The following ST8SIA2 variants were observed in gnomAD, a reference collection of about 807,000 sequenced individuals.
The protein encoded by ST8SIA2 is alpha-2,8-sialyltransferase 8B.
Under a neutral mutation model 37.6 loss-of-function variants are expected in ST8SIA2, and 22 were observed. The observed-to-expected ratio is 0.58, with a 90% confidence interval of 0.42 to 0.83. The LOEUF is 0.83. Ranked by LOEUF, ST8SIA2 falls within the 40% of genes least tolerant of loss-of-function variation. ST8SIA2 has a pLI of 0.00. For synonymous variants in ST8SIA2, 205 were observed against 201.2 expected, an observed-to-expected ratio of 1.02 and a Z score of -0.16; for missense variants, 382 against 484.7, an observed-to-expected ratio of 0.79 and a Z score of 1.99.
At position 92,450,827 on chromosome 15, in the gene ST8SIA2, A is replaced by C. The variant is rs554522924; in HGVS notation, c.842+5898A>C. Among the ~76,000 whole-genome samples, 3 of 152,350 alleles carry C rather than the reference A, an allele frequency of 2.0e-5. No homozygotes were observed. In the South Asian group the frequency reaches 6.2e-4, roughly 32 times the overall value. ...GAGATATCACTTCATACCCTCTAGCATGGCTATTAGTAAACACACATACAC... is the reference window on the plus strand; with the variant it reads ...GAGATATCACTTCATACCCTCTAGCCTGGCTATTAGTAAACACACATACAC... On this transcript the variant is annotated intron_variant, in intron 5 of 5. Coordinates refer to ENST00000268164, the MANE Select transcript of ST8SIA2 (RefSeq NM_006011.4).
chr15:92,426,337 A>ATGGGCGGGCTGG (rs2049675309), intron 1 of ST8SIA2, among the ~76,000 whole-genome samples: 1 of 152,118 alleles, frequency 6.6e-6, no homozygotes, highest in Non-Finnish European at 1.5e-5. Flanking sequence ...GATGATGTGG[A>ATGGGCGGGCTGG]TGGGCGGGCT....
At chr15:92,456,233 C>T (rs2049918506) in intron 5 of ST8SIA2, among the ~76,000 whole-genome samples, 1 of 152,234 alleles carries the variant, frequency 6.6e-6, no homozygotes, top group Non-Finnish European at 1.5e-5. Context: ...TGGTAACTTG[C>T]TGTCTAGGAT....
chr15:92,464,719 T>C lies in ST8SIA2; in HGVS notation c.*334T>C, dbSNP rs2049980738. ...AGTCCCATGACTTTGGATGACAAAC[T>C]GCCTCCTGGCTTGGAGGGATCTTTG... On this transcript the variant is annotated 3_prime_UTR_variant, in exon 6 of 6. Transcript: ENST00000268164. 1 of 338,382 alleles carries C rather than the reference T, an allele frequency of 3.0e-6. No individual in the cohort carries two copies. The highest frequency in any genetic ancestry group is 4.4e-5 in the Admixed American group (1 of 22,918). The allele number at this position is 338,382 out of a possible 1,614,324, so 21.0% of individuals were successfully genotyped here. A position where few individuals can be genotyped will look rare whatever the true frequency, so the allele number is the denominator to read the frequency against.
intron 2 of ST8SIA2, among the ~76,000 whole-genome samples, chr15:92,433,643 G>T (rs943500165): frequency 1.3e-5 from 2 of 152,188 alleles, no homozygotes; most frequent in Non-Finnish European, 2.9e-5. Context: ...CGCTATGTTA[G>T]ACCATTAGGG....
chr15:92,451,878 C>T (rs2049884696), intron 5 of ST8SIA2, among the ~76,000 whole-genome samples: 1 of 152,138 alleles, frequency 6.6e-6, no homozygotes, highest in Non-Finnish European at 1.5e-5. Flanking sequence ...CATCCATTTG[C>T]CCCTATTACA....
intron 1 of ST8SIA2, among the ~76,000 whole-genome samples, chr15:92,428,576 C>G (rs1356218045): frequency 2.0e-5 from 3 of 152,152 alleles, no homozygotes; most frequent in Non-Finnish European, 2.9e-5. Flanking sequence ...GGGACCCAAC[C>G]CAGGTGAATG....
chr15:92,430,582 G>T (rs896446617), intron 2 of ST8SIA2, among the ~76,000 whole-genome samples: 2 of 152,176 alleles, frequency 1.3e-5, no homozygotes, highest in East Asian at 3.8e-4. Flanking sequence ...ATTATTGAAC[G>T]TACGCTCCAA....
chr15:92,416,331 G>C (rs757946190), intron 1 of ST8SIA2, among the ~76,000 whole-genome samples: 1 of 151,904 alleles, frequency 6.6e-6, no homozygotes, highest in Non-Finnish European at 1.5e-5. Context: ...CACCGGGAGA[G>C]ACAGGTGGAA....
intron 5 of ST8SIA2, among the ~76,000 whole-genome samples, chr15:92,458,895 G>A (rs1391527877): frequency 2.0e-5 from 3 of 152,222 alleles, no homozygotes; most frequent in Admixed American, 6.5e-5. Context: ...ATCTGGAGGT[G>A]GTTAACAGTC....
At chr15:92,409,086 A>G (rs538763332) in intron 1 of ST8SIA2, among the ~76,000 whole-genome samples, 2 of 152,326 alleles carry the variant, frequency 1.3e-5, no homozygotes, top group African/African-American at 4.8e-5. Flanking sequence ...CAGTTTAAGT[A>G]AGTATTCCTA....
intron 5 of ST8SIA2, among the ~76,000 whole-genome samples, chr15:92,448,849 G>A (rs2141842360): frequency 6.6e-6 from 1 of 152,206 alleles, no homozygotes; most frequent in South Asian, 2.1e-4. Flanking sequence ...TCACCTTGAA[G>A]TCCCAATAAT....
intron 1 of ST8SIA2, among the ~76,000 whole-genome samples, chr15:92,416,934 C>G (rs1435297622): frequency 2.0e-5 from 3 of 152,222 alleles, no homozygotes; most frequent in African/African-American, 4.8e-5. Flanking sequence ...TCCACTGATT[C>G]TTATTTCTCC....
At chr15:92,408,731 A>T (rs2049527603) in intron 1 of ST8SIA2, among the ~76,000 whole-genome samples, 1 of 150,076 alleles carries the variant, frequency 6.7e-6, no homozygotes, top group African/African-American at 2.5e-5. Flanking sequence ...ATTGAGATGG[A>T]GTCTCACTCT....
Position 92,444,886 on chromosome 15 carries a change from C to T in ST8SIA2, c.799C>T (p.Arg267Cys), listed in dbSNP as rs764959291. Residue 267 changes from arginine to cysteine, a missense_variant, in exon 5 of 6, where the codon CGC (arginine) becomes TGC (cysteine). Transcript: ENST00000268164. ...ELILKHHVNV[R>C]TAYPSLRLLH... is the part of the protein sequence containing the mutation. ...TATCCTGAAGCACCACGTCAACGTGCGCACTGCATACCCCTCGCTGCGCCT... is the reference window on the plus strand; with the variant it reads ...TATCCTGAAGCACCACGTCAACGTGTGCACTGCATACCCCTCGCTGCGCCT... 1.3e-5 allele frequency: 21 copies of T among 1,613,404 alleles called. 1 individual carries two copies. Among genetic ancestry groups the T allele is most frequent in the South Asian group, 6.6e-5 (6 of 91,084 alleles).
At position 92,467,568 on chromosome 15, in the gene ST8SIA2, C is replaced by T. The variant is rs1489526578; in HGVS notation, c.*3183C>T. The T allele has an allele frequency of 6.6e-6, 1 of 152,254 alleles. No individual in the cohort carries two copies. Among genetic ancestry groups the T allele is most frequent in the Non-Finnish European group, 1.5e-5 (1 of 68,052 alleles). 9.4% of individuals were successfully genotyped at this position (152,254 alleles called of 1,614,324 possible). ...AATGCCACATTCTTGTGTTTTTTTC[C>T]TCCTTCTTTCCCAATCCCTCTCAAC... On this transcript the variant is annotated 3_prime_UTR_variant, in exon 6 of 6. Coordinates refer to ENST00000268164, the MANE Select transcript of ST8SIA2 (RefSeq NM_006011.4).
chr15:92,439,837 T>G (rs1027806064), intron 4 of ST8SIA2, among the ~76,000 whole-genome samples: 2 of 151,228 alleles, frequency 1.3e-5, no homozygotes, highest in African/African-American at 4.9e-5. Context: ...TCTGTCTGCT[T>G]GGAAGCCAGA....
At chr15:92,419,412 G>T (rs927191709) in intron 1 of ST8SIA2, among the ~76,000 whole-genome samples, 1 of 152,092 alleles carries the variant, frequency 6.6e-6, no homozygotes, top group Non-Finnish European at 1.5e-5. Context: ...GGTGATTTGG[G>T]CTCATCTCTC....
intron 3 of ST8SIA2, 113 bp from the exon 4 acceptor site, chr15:92,438,240 G>T: frequency 6.8e-7 from 1 of 1,467,200 alleles, no homozygotes; most frequent in Admixed American, 1.7e-5. Context: ...CATACTCTGC[G>T]TGTTTGCTGG....
intron 1 of ST8SIA2, among the ~76,000 whole-genome samples, chr15:92,398,499 A>G (rs2049448147): frequency 6.6e-6 from 1 of 152,250 alleles, no homozygotes; most frequent in Non-Finnish European, 1.5e-5. Flanking sequence ...CTAAGAGCTA[A>G]GAGCTACTCC....
Sources: allele counts gnomAD v4.1 joint callset (sites outside exome capture counted in the v4.1 genomes callset), GRCh38; gene constraint gnomAD v4.1.1; transcripts MANE v1.5; gene names NCBI Gene and HGNC (gene_info 2026-07-23, HGNC 2026-07-21).